Variants in SHC3 observed in about 807,000 individuals in gnomAD.
SHC3 encodes the protein SHC-transforming protein 3.
In SHC3, 15 loss-of-function variants were observed where a neutral mutation model predicts 60.4. The ratio of observed to expected loss-of-function variants is 0.25; its 90% CI spans 0.17 to 0.38. The LOEUF is 0.38. SHC3 is among the 10% of genes least tolerant of loss of function. The pLI, the probability that SHC3 is intolerant of heterozygous loss-of-function variation, is 1.00. For missense variants in SHC3, 677 were observed against 786.1 expected, an observed-to-expected ratio of 0.86 and a Z score of 1.66; for synonymous variants, 294 against 325.9, an observed-to-expected ratio of 0.90 and a Z score of 1.05.
At chr9:89,172,552 G>GAC (rs1208720631) in intron 1 of SHC3, among the ~76,000 whole-genome samples, 1 of 149,364 alleles carries the variant, frequency 6.7e-6, no homozygotes, top group Non-Finnish European at 1.5e-5. Flanking sequence ...CGAAGACACA[G>GAC]ACACACACAG....
chr9:89,108,307 G>T (rs1825894789), intron 2 of SHC3, among the ~76,000 whole-genome samples: 1 of 151,722 alleles, frequency 6.6e-6, no homozygotes, highest in Non-Finnish European at 1.5e-5. Context: ...GAGCCCAGGA[G>T]TTAGAGAGCA....
Position 89,077,829 on chromosome 9 carries a change from GAGGACAGT to G in SHC3, c.609+3_609+10del. The G allele has an allele frequency of 6.2e-7, 1 of 1,614,152 alleles. No homozygotes were observed. The highest frequency in any genetic ancestry group is 8.5e-7 in the Non-Finnish European group (1 of 1,179,994). ...GAGACACAGTTAGACACAGAGCATT[GAGGACAGT>G]ACCTTTCTCTTCTTGAAGGCTCCCT... On this transcript the variant is annotated splice_donor_5th_base_variant and intron_variant, in intron 3 of 11. Coordinates refer to ENST00000375835, the MANE Select transcript of SHC3 (RefSeq NM_016848.6).
At chr9:89,075,451 G>A (rs1360515803) in intron 3 of SHC3, among the ~76,000 whole-genome samples, 1 of 152,226 alleles carries the variant, frequency 6.6e-6, no homozygotes, top group African/African-American at 2.4e-5. Flanking sequence ...ATATGCAAAT[G>A]CTGAGGTGAA....
intron 2 of SHC3, among the ~76,000 whole-genome samples, chr9:89,097,978 C>A (rs934113087): frequency 6.6e-6 from 1 of 152,054 alleles, no homozygotes; most frequent in African/African-American, 2.4e-5. Flanking sequence ...TAAAAATAAA[C>A]CATCTTAATT....
At chr9:89,089,444 A>C (rs901215409) in intron 2 of SHC3, among the ~76,000 whole-genome samples, 1 of 152,130 alleles carries the variant, frequency 6.6e-6, no homozygotes. Flanking sequence ...GACCTGGGGC[A>C]GAGTGTCCAG....
intron 6 of SHC3, among the ~76,000 whole-genome samples, chr9:89,063,285 A>G (rs1337140358): frequency 6.6e-6 from 1 of 152,138 alleles, no homozygotes; most frequent in Non-Finnish European, 1.5e-5. Flanking sequence ...GTGCACCACC[A>G]CGCCCAGCTA....
chr9:89,084,630 T>C (rs926192186), intron 2 of SHC3, among the ~76,000 whole-genome samples: 3 of 152,226 alleles, frequency 2.0e-5, no homozygotes, highest in Non-Finnish European at 2.9e-5. Flanking sequence ...AACACTTTCA[T>C]TGAATTATTT....
intron 6 of SHC3, among the ~76,000 whole-genome samples, chr9:89,057,230 C>T (rs1824966961): frequency 6.6e-6 from 1 of 152,058 alleles, no homozygotes; most frequent in Non-Finnish European, 1.5e-5. Context: ...GAGACGAGGG[C>T]TCCTCAATCT....
chr9:89,109,892 A>G, intron 2 of SHC3: 1 of 985,462 alleles, frequency 1.0e-6, no homozygotes, highest in Non-Finnish European at 1.2e-6. Flanking sequence ...ACAGAAAAGT[A>G]TGCAATTTCA....
intron 2 of SHC3, among the ~76,000 whole-genome samples, chr9:89,102,981 T>C (rs1825805092): frequency 6.6e-6 from 1 of 151,846 alleles, no homozygotes; most frequent in Non-Finnish European, 1.5e-5. Flanking sequence ...GCCTGGAGGG[T>C]GATGGTGGGG....
chr9:89,151,234 G>GGT (rs145284076), intron 1 of SHC3, among the ~76,000 whole-genome samples: 106 of 152,186 alleles, frequency 7.0e-4, no homozygotes, highest in African/African-American at 2.5e-3. Context: ...TGCCCAGGCT[G>GGT]GTGTATGTCT....
At chr9:89,069,238 G>T (rs758055440) in intron 5 of SHC3, among the ~76,000 whole-genome samples, 15 of 152,194 alleles carry the variant, frequency 9.9e-5, no homozygotes, top group Non-Finnish European at 2.1e-4. Flanking sequence ...AAACCTGGGA[G>T]GTCAAGGCTG....
rs570136563 is a variant in SHC3 at position 89,071,586 on chromosome 9, C to T, written c.730-334G>A. ...AGACAGCTGGTGATTAGCAGAGCTG[C>T]GATCTAACACGGGGGCGTATAGAGC... On this transcript the variant is annotated intron_variant, in intron 4 of 11. Transcript: ENST00000375835. Among the ~76,000 whole-genome samples, 38 of 152,230 alleles carry T rather than the reference C, an allele frequency of 2.5e-4. No individual in the cohort carries two copies. In the South Asian group the frequency reaches 7.9e-3, roughly 32 times the overall value.
At chr9:89,092,739 GGTGTGTGTGTGTGTGTGTGTGTATGT>G (rs1171234959) in intron 2 of SHC3, among the ~76,000 whole-genome samples, 2 of 149,090 alleles carry the variant, frequency 1.3e-5, no homozygotes, top group Admixed American at 1.3e-4. Context: ...AAAGAAGGAA[GGTGTGTGTGTGTGTGTGTGTGTATGT>G]GTGTGTGTGT....
At chr9:89,083,252 G>A (rs1020372071) in intron 2 of SHC3, among the ~76,000 whole-genome samples, 2 of 152,248 alleles carry the variant, frequency 1.3e-5, no homozygotes, top group Non-Finnish European at 2.9e-5. Flanking sequence ...TTTCAGAGGA[G>A]CAAGAGGTCA....
At chr9:89,157,545 A>C (rs1406372959) in intron 1 of SHC3, among the ~76,000 whole-genome samples, 1 of 152,214 alleles carries the variant, frequency 6.6e-6, no homozygotes, top group Non-Finnish European at 1.5e-5. Flanking sequence ...ATTTGTGGTC[A>C]TTTGTTAGAT....
At chr9:89,056,537 CTTAT>C (rs1343450945) in intron 6 of SHC3, among the ~76,000 whole-genome samples, 3 of 152,172 alleles carry the variant, frequency 2.0e-5, no homozygotes, top group Admixed American at 6.5e-5. Flanking sequence ...CCATTTCTTT[CTTAT>C]TTGTTTGAGC....
intron 1 of SHC3, among the ~76,000 whole-genome samples, chr9:89,119,599 C>T (rs1826062949): frequency 6.6e-6 from 1 of 152,042 alleles, no homozygotes; most frequent in African/African-American, 2.4e-5. Context: ...TAGAAGAAAA[C>T]TTTAATGAAA....
chr9:89,113,183 T>G (rs770739452), intron 1 of SHC3, among the ~76,000 whole-genome samples: 2 of 152,216 alleles, frequency 1.3e-5, no homozygotes, highest in Non-Finnish European at 1.5e-5. Flanking sequence ...CCAGATCTTC[T>G]GCATGATCAT....
Sources: allele counts gnomAD v4.1 joint callset (sites outside exome capture counted in the v4.1 genomes callset), GRCh38; gene constraint gnomAD v4.1.1; transcripts MANE v1.5; gene names NCBI Gene and HGNC (gene_info 2026-07-23, HGNC 2026-07-21).